Variants in ADAMTS14 observed in about 807,000 individuals in gnomAD.
The protein encoded by ADAMTS14 is A disintegrin and metalloproteinase with thrombospondin motifs 14.
A neutral mutation model predicts 128.6 loss-of-function variants in ADAMTS14; 100 were observed. The observed-to-expected ratio is 0.78, with a 90% CI of 0.66 to 0.92. The LOEUF (loss-of-function observed/expected upper bound fraction) is 0.92. Ranked by LOEUF, ADAMTS14 falls within the 40% of genes least tolerant of loss-of-function variation. ADAMTS14 has a pLI of 0.00. For missense variants in ADAMTS14, 1,562 were observed against 1,658.6 expected (o/e 0.94, Z 1.01); for synonymous variants, 665 against 653.8 (o/e 1.02, Z -0.26).
intron 2 of ADAMTS14, among the ~76,000 whole-genome samples, chr10:70,697,266 C>G (rs1840356840): frequency 6.6e-6 from 1 of 152,230 alleles, no homozygotes; most frequent in African/African-American, 2.4e-5. Context: ...AATAGCCCTT[C>G]TGGGCATTTG....
chr10:70,689,844 A>G (rs1288999469), intron 2 of ADAMTS14, among the ~76,000 whole-genome samples: 1 of 144,888 alleles, frequency 6.9e-6, no homozygotes. Context: ...CTCCCCAGGG[A>G]CTGCCAGGGC....
intron 19 of ADAMTS14, 32 bp downstream of exon 19, chr10:70,754,039 G>A: frequency 6.6e-7 from 1 of 1,506,114 alleles, no homozygotes; most frequent in Non-Finnish European, 8.9e-7. Flanking sequence ...GGAGGGGCTT[G>A]GGGAGGAGGT....
intron 4 of ADAMTS14, among the ~76,000 whole-genome samples, chr10:70,722,289 G>C (rs1294409264): frequency 2.6e-5 from 4 of 152,194 alleles, no homozygotes; most frequent in Non-Finnish European, 5.9e-5. Context: ...CAGGGCCTGA[G>C]ACTCCATGTT....
chr10:70,736,272 TGG>T (rs55734835), intron 9 of ADAMTS14, among the ~76,000 whole-genome samples: 5 of 150,344 alleles, frequency 3.3e-5, no homozygotes, highest in Non-Finnish European at 7.4e-5. Flanking sequence ...AGTGCTGGGG[TGG>T]GGGGGGTCTG....
At chr10:70,700,979 A>G (rs1014727018) in intron 2 of ADAMTS14, among the ~76,000 whole-genome samples, 4 of 152,208 alleles carry the variant, frequency 2.6e-5, no homozygotes, top group African/African-American at 9.7e-5. Context: ...GGAAGCCTCA[A>G]ATTTGTTCCA....
chr10:70,735,849 G>A (rs4609518), intron 9 of ADAMTS14, among the ~76,000 whole-genome samples: 123,343 of 152,196 alleles, frequency 0.81, 50,537 homozygotes, highest in East Asian at 0.91. Flanking sequence ...AGAGAACTCA[G>A]CAGCTGCCAC....
chr10:70,727,100 T>C (rs972230273), intron 4 of ADAMTS14, among the ~76,000 whole-genome samples: 1 of 152,228 alleles, frequency 6.6e-6, no homozygotes, highest in Admixed American at 6.5e-5. Flanking sequence ...TGCCCATTCA[T>C]GAACTGGGGC....
At chr10:70,745,505 G>T in intron 15 of ADAMTS14, 199 bp downstream of exon 15, 1 of 650,460 alleles carries the variant, frequency 1.5e-6, no homozygotes, top group Non-Finnish European at 2.7e-6. Flanking sequence ...ATTTCAGAAG[G>T]TCTCAAAGGG....
At chr10:70,744,218 C>A (rs372817361) in intron 14 of ADAMTS14, 29 bp downstream of exon 14, 7 of 1,490,648 alleles carry the variant, frequency 4.7e-6, no homozygotes, top group Non-Finnish European at 6.3e-6. Context: ...GGGGGGATGA[C>A]GAGGGCTGAC....
At chr10:70,729,562 T>C (rs1841562159) in intron 5 of ADAMTS14, among the ~76,000 whole-genome samples, 185 bp downstream of exon 5, 1 of 152,164 alleles carries the variant, frequency 6.6e-6, no homozygotes, top group Non-Finnish European at 1.5e-5. Flanking sequence ...CAGCAATTTA[T>C]GGTTTCCTAC....
chr10:70,685,887 CT>C (rs2132546855), intron 2 of ADAMTS14, among the ~76,000 whole-genome samples: 1 of 152,216 alleles, frequency 6.6e-6, no homozygotes, highest in Admixed American at 6.5e-5. Context: ...AGGGGGAGGG[CT>C]GCTTAACTTC....
At chr10:70,693,152 CACTT>C (rs1296275687) in intron 2 of ADAMTS14, among the ~76,000 whole-genome samples, 4 of 152,268 alleles carry the variant, frequency 2.6e-5, no homozygotes, top group South Asian at 2.1e-4. Flanking sequence ...AGTGAGAACT[CACTT>C]ACCACCAAGG....
At position 70,691,221 on chromosome 10, in the gene ADAMTS14, C is replaced by T. The variant is rs1379641140; in HGVS notation, c.523-11091C>T. On this transcript the variant is annotated intron_variant, in intron 2 of 21. Transcript: ENST00000373207. ...AGAACTTCAAGCTTTTGGCTGGGCA[C>T]GGTGGCTCACACCTGTAATCCTAGC... Among the ~76,000 whole-genome samples, 9 of 143,954 alleles carry T rather than the reference C, an allele frequency of 6.3e-5. 2 individuals carry two copies. Among genetic ancestry groups the T allele is most frequent in the Non-Finnish European group, 1.3e-4 (8 of 62,954 alleles). The allele number at this position is 143,954 out of a possible 152,430, so 94.4% of individuals were successfully genotyped here.
chr10:70,751,552 C>G lies in ADAMTS14; in HGVS notation c.2502C>G (p.Pro834=). ...ACGTCATCCATGAGGACCTGCTGCC[C>G]CTTATCGGGAGCAACAATGTGCTCC... is the stretch of plus-strand genomic sequence containing the variant. ...YKYVIHEDLL[P]LIGSNNVLLE... is the part of the protein sequence containing the mutation. The change falls in exon 17 of 22, where the codon CCC becomes CCG. Residue 834 remains proline, a synonymous_variant. Transcript: ENST00000373207. 6.2e-7 allele frequency: 1 copy of G among 1,613,854 alleles called. No individual in the cohort carries two copies. The highest frequency in any genetic ancestry group is 1.1e-5 in the South Asian group (1 of 91,058).
intron 2 of ADAMTS14, among the ~76,000 whole-genome samples, chr10:70,681,076 G>A (rs1054499255): frequency 2.6e-5 from 4 of 152,236 alleles, no homozygotes; most frequent in South Asian, 2.1e-4. Flanking sequence ...GGGATGCAGG[G>A]ATGAAGCTCA....
intron 18 of ADAMTS14, among the ~76,000 whole-genome samples, chr10:70,752,861 G>A (rs1463144252): frequency 2.0e-5 from 3 of 152,154 alleles, no homozygotes; most frequent in Non-Finnish European, 2.9e-5. Flanking sequence ...GGTGGCCAGC[G>A]CTAGAGGCTG....
intron 4 of ADAMTS14, among the ~76,000 whole-genome samples, chr10:70,726,810 T>C (rs944442937): frequency 1.3e-5 from 2 of 152,152 alleles, no homozygotes; most frequent in African/African-American, 2.4e-5. Context: ...CCTCCTAGGA[T>C]AAGTCTAGGG....
At chr10:70,678,663 G>A (rs1043347149) in intron 2 of ADAMTS14, among the ~76,000 whole-genome samples, 1 of 152,162 alleles carries the variant, frequency 6.6e-6, no homozygotes, top group Admixed American at 6.5e-5. Flanking sequence ...GGGCAGGGAT[G>A]GGGTAGGTTG....
chr10:70,706,913 A>G (rs1840684780), intron 3 of ADAMTS14, among the ~76,000 whole-genome samples: 2 of 152,348 alleles, frequency 1.3e-5, no homozygotes, highest in South Asian at 4.1e-4. Context: ...ATCCATGTGC[A>G]TCACCCACGT....
Sources: allele counts gnomAD v4.1 joint callset (sites outside exome capture counted in the v4.1 genomes callset), GRCh38; gene constraint gnomAD v4.1.1; transcripts MANE v1.5; gene names NCBI Gene and HGNC (gene_info 2026-07-23, HGNC 2026-07-21).